The following CPE variants were observed in gnomAD, a reference collection of about 807,000 sequenced individuals.
The protein encoded by CPE is carbocypeptidase E.
Under a neutral mutation model 53.5 loss-of-function variants are expected in CPE, and 17 were observed. The ratio of observed to expected loss-of-function variants is 0.32; its 90% CI spans 0.22 to 0.48. The LOEUF is 0.48. Among genes scored for constraint, CPE ranks in the 20% least tolerant of loss-of-function variants. The pLI is 0.99. For synonymous variants in CPE, 226 were observed against 228.8 expected, an observed-to-expected ratio of 0.99 and a Z score of 0.11; for missense variants, 524 against 614.7, an observed-to-expected ratio of 0.85 and a Z score of 1.56.
intron 1 of CPE, among the ~76,000 whole-genome samples, chr4:165,393,450 A>G (rs533034447): frequency 2.8e-4 from 43 of 152,172 alleles, no homozygotes; most frequent in South Asian, 2.1e-3. Flanking sequence ...TTAGTGTTCC[A>G]TAGAATTGTG....
chr4:165,386,842 C>A (rs776686796), intron 1 of CPE, among the ~76,000 whole-genome samples: 9 of 152,080 alleles, frequency 5.9e-5, no homozygotes, highest in Non-Finnish European at 1.0e-4. Flanking sequence ...GAACTGTGTG[C>A]TTGTTTTTAA....
chr4:165,459,234 G>C (rs1731952313), intron 1 of CPE, among the ~76,000 whole-genome samples: 1 of 152,130 alleles, frequency 6.6e-6, no homozygotes, highest in African/African-American at 2.4e-5. Context: ...TGCCTGCTCT[G>C]GTTTGGAATT....
At chr4:165,481,009 TATA>T (rs1466861329) in intron 3 of CPE, among the ~76,000 whole-genome samples, 33 of 54,856 alleles carry the variant, frequency 6.0e-4, no homozygotes, top group Admixed American at 8.9e-4. Flanking sequence ...TATATATATA[TATA>T]TATATTTTTT....
chr4:165,479,371 A>C (rs1351657913), intron 3 of CPE, among the ~76,000 whole-genome samples: 2 of 152,216 alleles, frequency 1.3e-5, no homozygotes, highest in African/African-American at 4.8e-5. Context: ...AAATAACAGC[A>C]TAGATCAAAA....
At chr4:165,481,016 A>ATATATATATATATATATATATATTT (rs1491161430) in intron 3 of CPE, among the ~76,000 whole-genome samples, 2 of 110,994 alleles carry the variant, frequency 1.8e-5, no homozygotes, top group African/African-American at 6.8e-5. Context: ...ATATATATAT[A>ATATATATATATATATATATATATTT]TTTTTTTTTT....
At chr4:165,461,851 G>T (rs770589960) in intron 1 of CPE, among the ~76,000 whole-genome samples, 4 of 152,188 alleles carry the variant, frequency 2.6e-5, no homozygotes, top group Non-Finnish European at 5.9e-5. Flanking sequence ...TAGCTCTTCT[G>T]TATTCTAGTG....
rs72976153 is a variant in CPE, at chr4:165,477,635, G to A, written c.673-4607G>A. Among the ~76,000 whole-genome samples the A allele has an allele frequency of 4.4e-3, 671 of 151,806 alleles. 4 individuals carry two copies. Among genetic ancestry groups the A allele is most frequent in the African/African-American group, 0.015 (639 of 41,376 alleles). ...GTATCCCTTATAGAGGTTCTTAAAT[G>A]TCAAGATTTATTCTTCTGTTTGGTG... On this transcript the variant is annotated intron_variant, in intron 3 of 8. Transcript: ENST00000402744.
At chr4:165,461,166 C>CAAAAAAAAAAAAAAAA (rs1173022270) in intron 1 of CPE, among the ~76,000 whole-genome samples, 35 of 44,200 alleles carry the variant, frequency 7.9e-4, no homozygotes, top group South Asian at 1.1e-3. Flanking sequence ...GCCTCTGCCT[C>CAAAAAAAAAAAAAAAA]AAAAAAAAAA....
chr4:165,468,706 G>T, intron 3 of CPE, among the ~76,000 whole-genome samples: 1 of 152,176 alleles, frequency 6.6e-6, no homozygotes, highest in East Asian at 1.9e-4. Context: ...GTCTCCTGCT[G>T]TAACTGGCAC....
intron 1 of CPE, among the ~76,000 whole-genome samples, chr4:165,403,684 T>A (rs913887990): frequency 6.6e-6 from 1 of 151,968 alleles, no homozygotes; most frequent in Non-Finnish European, 1.5e-5. Flanking sequence ...TTTTTTTTTT[T>A]TTACAGAGTT....
chr4:165,497,083 G>A (rs1258804200), intron 8 of CPE, among the ~76,000 whole-genome samples: 1 of 151,934 alleles, frequency 6.6e-6, no homozygotes, highest in Non-Finnish European at 1.5e-5. Flanking sequence ...CACCGTGCCC[G>A]GCTAATTTTT....
chr4:165,399,560 T>C (rs1312269517), intron 1 of CPE, among the ~76,000 whole-genome samples: 3 of 152,044 alleles, frequency 2.0e-5, no homozygotes, highest in Non-Finnish European at 4.4e-5. Flanking sequence ...TTAGTAGAGA[T>C]GGGGTTTCAC....
At chr4:165,406,786 C>G (rs936471413) in intron 1 of CPE, among the ~76,000 whole-genome samples, 2 of 152,324 alleles carry the variant, frequency 1.3e-5, no homozygotes, top group South Asian at 2.1e-4. Flanking sequence ...TCCAACAACT[C>G]TAGGCCACCA....
intron 1 of CPE, among the ~76,000 whole-genome samples, chr4:165,431,230 C>T (rs1417258135): frequency 1.3e-5 from 2 of 152,190 alleles, no homozygotes; most frequent in Non-Finnish European, 2.9e-5. Context: ...GTGATACCTC[C>T]GTTTTCCACT....
At chr4:165,387,669 C>T (rs565906759) in intron 1 of CPE, among the ~76,000 whole-genome samples, 5 of 152,160 alleles carry the variant, frequency 3.3e-5, no homozygotes, top group East Asian at 2.0e-4. Flanking sequence ...ATTAGCCAGC[C>T]GTGGTGGCAC....
chr4:165,431,105 A>G (rs17687178), intron 1 of CPE, among the ~76,000 whole-genome samples: 45,045 of 152,062 alleles, frequency 0.3, 6,746 homozygotes, highest in Middle Eastern at 0.39. Context: ...CTTTCTTATC[A>G]TAGATCTCCT....
At chr4:165,402,135 G>A (rs1579244632) in intron 1 of CPE, among the ~76,000 whole-genome samples, 1 of 152,164 alleles carries the variant, frequency 6.6e-6, no homozygotes, top group East Asian at 1.9e-4. Context: ...TATGGATCAA[G>A]AAGCCACTAC....
intron 1 of CPE, among the ~76,000 whole-genome samples, chr4:165,413,533 C>T (rs1866223): frequency 0.29 from 43,664 of 152,084 alleles, 6,415 homozygotes; most frequent in Middle Eastern, 0.39. Context: ...TAGCTCTTAG[C>T]TGAATTCTGG....
intron 1 of CPE, among the ~76,000 whole-genome samples, chr4:165,455,320 A>G (rs1731882312): frequency 6.6e-6 from 1 of 152,112 alleles, no homozygotes; most frequent in Non-Finnish European, 1.5e-5. Flanking sequence ...TATCTTTCCA[A>G]TTTATCTTAT....
Sources: allele counts gnomAD v4.1 joint callset (sites outside exome capture counted in the v4.1 genomes callset), GRCh38; gene constraint gnomAD v4.1.1; transcripts MANE v1.5; gene names NCBI Gene and HGNC (gene_info 2026-07-23, HGNC 2026-07-21).